The following FAH variants were observed in gnomAD, a reference collection of about 807,000 sequenced individuals.
The protein encoded by FAH is fumarylacetoacetase.
In FAH, 47 loss-of-function variants were observed where a neutral mutation model predicts 55.8. The observed-to-expected ratio is 0.84, with a 90% confidence interval of 0.67 to 1.07. The LOEUF (loss-of-function observed/expected upper bound fraction) is 1.07, where lower values mean the gene tolerates loss of function less well. Among genes scored for constraint, FAH ranks in the 50% least tolerant of loss-of-function variants. FAH has a pLI of 0.00. For missense variants in FAH, 495 were observed against 545.9 expected (o/e 0.91, Z 0.93); for synonymous variants, 199 against 207.7 (o/e 0.96, Z 0.36).
intron 5 of FAH, chr15:80,166,476 G>A (rs1377730427): frequency 6.6e-6 from 1 of 151,422 alleles, no homozygotes; most frequent in East Asian, 2.0e-4. Flanking sequence ...TACTCTGCCA[G>A]TTTATATATA....
Position 80,160,454 on chromosome 15 carries a change from C to T in FAH, c.359C>T (p.Thr120Ile). ...QASATMHLPATIGDYTDFYSS... is the reference protein window; with the variant it reads ...QASATMHLPAIIGDYTDFYSS... ...TCTGCCACGATGCACCTTCCAGCCA[C>T]CATAGGTGAGTGCAGTCTCTTCACC... The change falls in exon 4 of 14, where the codon ACC (threonine) becomes ATC (isoleucine). Residue 120 changes from threonine to isoleucine, a missense_variant. Coordinates refer to ENST00000561421, the MANE Select transcript of FAH (RefSeq NM_000137.4). 1 of 1,614,172 alleles carries T rather than the reference C, an allele frequency of 6.2e-7. No homozygotes were observed. Among genetic ancestry groups the T allele is most frequent in the Non-Finnish European group, 8.5e-7 (1 of 1,179,996 alleles).
chr15:80,180,925 G>T, intron 12 of FAH, 117 bp from the exon 13 acceptor site: 1 of 781,332 alleles, frequency 1.3e-6, no homozygotes, highest in Non-Finnish European at 2.3e-6. Context: ...CAGGGTCTCT[G>T]AGGGGCATGA....
intron 4 of FAH, 104 bp downstream of exon 4, chr15:80,160,563 T>TG (rs1033547802): frequency 2.8e-6 from 3 of 1,088,510 alleles, no homozygotes; most frequent in African/African-American, 3.1e-5. Context: ...TCCCTGCTGG[T>TG]GGGGGGAGAT....
chr15:80,154,265 A>C (rs2041079607), intron 1 of FAH, among the ~76,000 whole-genome samples: 1 of 152,234 alleles, frequency 6.6e-6, no homozygotes, highest in African/African-American at 2.4e-5. Context: ...CCCTCGGCAG[A>C]TGTGTCCTCC....
At position 80,169,265 on chromosome 15, in the gene FAH, C is replaced by G. The variant is rs374266801; in HGVS notation, c.606+949C>G. Among the ~76,000 whole-genome samples the G allele has an allele frequency of 2.7e-4, 41 of 152,122 alleles. 2 individuals are homozygous for G. Among genetic ancestry groups the G allele is most frequent in the Admixed American group, 1.7e-3 (26 of 15,282 alleles). On this transcript the variant is annotated intron_variant, in intron 7 of 13. Coordinates refer to ENST00000561421, the MANE Select transcript of FAH (RefSeq NM_000137.4). ...GGGGATGGTGGTGGGTGCCTGTAAT[C>G]CCAGCTACTTGGGAGGCTGGGGCAG...
intron 1 of FAH, among the ~76,000 whole-genome samples, chr15:80,155,007 G>A (rs899264916): frequency 1.3e-5 from 2 of 152,206 alleles, no homozygotes; most frequent in African/African-American, 2.4e-5. Flanking sequence ...TTGAGTCTCT[G>A]AGATGTGCTA....
In FAH at chr15:80,172,135, C is replaced by T; in HGVS notation, c.607-14C>T. 6.3e-7 allele frequency: 1 copy of T among 1,597,058 alleles called. No homozygotes were observed. The highest frequency in any genetic ancestry group is 1.7e-4 in the Middle Eastern group (1 of 5,916). ...GATCAGCTCCAGATTCTAATGAACT[C>T]TCCCCCATGTAAGGCTTTTTTTGTA... On this transcript the variant is annotated splice_polypyrimidine_tract_variant and intron_variant, in intron 7 of 13. Transcript: ENST00000561421.
intron 9 of FAH, chr15:80,173,414 G>A (rs1213840635): frequency 2.0e-5 from 11 of 550,426 alleles, no homozygotes; most frequent in Non-Finnish European, 3.3e-5. Flanking sequence ...AAGACCCGGG[G>A]GATCTGGCCA....
chr15:80,183,468 C>T (rs549659178), intron 13 of FAH, among the ~76,000 whole-genome samples: 2 of 152,338 alleles, frequency 1.3e-5, no homozygotes, highest in East Asian at 1.9e-4. Context: ...CATTGGCGGA[C>T]GGCTCTGCCC....
rs2041113617 is a variant in FAH at position 80,158,024 on chromosome 15, C to T, written c.82-36C>T. 4 of 1,521,634 alleles carry T rather than the reference C, an allele frequency of 2.6e-6. No individual in the cohort carries two copies. In the African/African-American group the frequency reaches 4.1e-5, roughly 16 times the overall value. 94.3% of individuals were successfully genotyped at this position (1,521,634 alleles called of 1,614,324 possible). A position where few individuals can be genotyped will look rare whatever the true frequency, so the allele number is the denominator to read the frequency against. On this transcript the variant is annotated intron_variant, in intron 1 of 13. Coordinates refer to ENST00000561421, the MANE Select transcript of FAH (RefSeq NM_000137.4). Reference sequence around the variant, plus strand: ...TAAATGAGCCAAGCCCAGCCAGGGGCTTTTTCTGGTGCTGACGGTGTCGTC... The same window carrying T: ...TAAATGAGCCAAGCCCAGCCAGGGGTTTTTTCTGGTGCTGACGGTGTCGTC...
chr15:80,159,195 A>G (rs2041126142), intron 2 of FAH, among the ~76,000 whole-genome samples: 1 of 151,644 alleles, frequency 6.6e-6, no homozygotes, highest in African/African-American at 2.4e-5. Context: ...CCGAGATCAC[A>G]TCAGTGCACT....
Position 80,181,894 on chromosome 15 carries a change from C to T in FAH, c.1180+735C>T, listed in dbSNP as rs926019432. 1.1e-4 allele frequency among the ~76,000 whole-genome samples: 17 copies of T among 152,126 alleles called. 1 individual carries two copies. Among genetic ancestry groups the T allele is most frequent in the Admixed American group, 9.2e-4 (14 of 15,274 alleles). ...TCCCGAGTAGCTGGGATTACAGGCG[C>T]GCTAATTGTGTATGTGTCAGTTTCC... On this transcript the variant is annotated intron_variant, in intron 13 of 13. Coordinates refer to ENST00000561421, the MANE Select transcript of FAH (RefSeq NM_000137.4).
In FAH at chr15:80,171,948, G is replaced by A. The variant is rs1452020289; in HGVS notation, c.607-201G>A. ...AGTGGAAGGAAGGCCGATGGCGGGG[G>A]CAGGGCACACCACTGCACTCTGCTT... On this transcript the variant is annotated intron_variant, in intron 7 of 13. Coordinates refer to ENST00000561421, the MANE Select transcript of FAH (RefSeq NM_000137.4). 2.6e-5 allele frequency among the ~76,000 whole-genome samples: 4 copies of A among 152,196 alleles called. No individual in the cohort carries two copies. In the East Asian group the frequency reaches 7.7e-4, roughly 29 times the overall value.
rs926637597 is a variant in FAH at position 80,167,813 on chromosome 15, C to T, written c.456-239C>T. On this transcript the variant is annotated intron_variant, in intron 5 of 13. Coordinates refer to ENST00000561421, the MANE Select transcript of FAH (RefSeq NM_000137.4). ...TCCCAAAGTGCTGGGATTACAGGCG[C>T]GAGCCACTGCACCCAGCCCAGAATT... is the stretch of plus-strand genomic sequence containing the variant. Among the ~76,000 whole-genome samples the T allele has an allele frequency of 4.1e-4, 62 of 151,978 alleles. 1 individual carries two copies. The highest frequency in any genetic ancestry group is 2.5e-3 in the South Asian group (12 of 4,820).
At chr15:80,160,323 A>C in intron 3 of FAH, 87 bp from the exon 4 acceptor site, 4 of 1,356,874 alleles carry the variant, frequency 2.9e-6, no homozygotes. Flanking sequence ...ATTGTGGATA[A>C]TCTTGGGGAT....
chr15:80,173,309 C>T, intron 9 of FAH, 165 bp downstream of exon 9: 1 of 833,328 alleles, frequency 1.2e-6, no homozygotes, highest in Non-Finnish European at 2.0e-6. Flanking sequence ...ACGATTACTT[C>T]CAGGCAGCCA....
At chr15:80,172,836 C>T (rs1175835320) in intron 8 of FAH, among the ~76,000 whole-genome samples, 178 bp from the exon 9 acceptor site, 5 of 152,190 alleles carry the variant, frequency 3.3e-5, no homozygotes, top group African/African-American at 9.7e-5. Flanking sequence ...CCTCAAAGGA[C>T]CTCTGTCCTT....
upstream of FAH, chr15:80,152,992 C>T (rs532122242): frequency 6.8e-7 from 1 of 1,467,048 alleles, no homozygotes; most frequent in Non-Finnish European, 9.5e-7. Context: ...CCACAGCGGC[C>T]GAGTTCAGTC....
intron 5 of FAH, chr15:80,166,326 G>C (rs530026774): frequency 2.0e-5 from 3 of 152,168 alleles, no homozygotes; most frequent in African/African-American, 4.8e-5. Flanking sequence ...TTTTCGCCAT[G>C]TTGATCAGGC....
Sources: allele counts gnomAD v4.1 joint callset (sites outside exome capture counted in the v4.1 genomes callset), GRCh38; gene constraint gnomAD v4.1.1; transcripts MANE v1.5; gene names NCBI Gene and HGNC (gene_info 2026-07-23, HGNC 2026-07-21).